The following NPHS2 variants were observed in gnomAD, a reference collection of about 807,000 sequenced individuals.
NPHS2 encodes the protein podocin.
Under a neutral mutation model 37.1 loss-of-function variants are expected in NPHS2, and 36 were observed. That is an observed-to-expected ratio of 0.97 (90% CI 0.74 to 1.28). NPHS2 has a LOEUF of 1.28. NPHS2 is among the 50% of genes most tolerant of loss of function. The pLI is 0.00. For missense variants in NPHS2, 447 were observed against 488.1 expected (o/e 0.92, Z 0.79); for synonymous variants, 196 against 189.3 (o/e 1.04, Z -0.29).
intron 1 of NPHS2, among the ~76,000 whole-genome samples, chr1:179,568,369 A>C (rs890706921): frequency 8.5e-5 from 13 of 152,126 alleles, no homozygotes; most frequent in African/African-American, 2.9e-4. Context: ...CTCTGATGGT[A>C]GTTTGTATTT....
intron 1 of NPHS2, among the ~76,000 whole-genome samples, chr1:179,571,559 C>T (rs1421535480): frequency 6.6e-6 from 1 of 152,254 alleles, no homozygotes; most frequent in Non-Finnish European, 1.5e-5. Flanking sequence ...TGTCCATTCT[C>T]AGAGCTCAAA....
rs1425356976 is a variant in NPHS2 at position 179,552,387 on chromosome 1, G to A, written c.873+216C>T. On this transcript the variant is annotated intron_variant, in intron 7 of 7. Coordinates refer to ENST00000367615, the MANE Select transcript of NPHS2 (RefSeq NM_014625.4). ...GGAAGGTGAGACTCAAGCAGTGAGT[G>A]GTCACTATTATCAGTAGCTTCAGAG... is the stretch of plus-strand genomic sequence containing the variant. 8 of 605,900 alleles carry A rather than the reference G, an allele frequency of 1.3e-5. 1 individual carries two copies. Among genetic ancestry groups the A allele is most frequent in the Non-Finnish European group, 2.4e-5 (8 of 334,022 alleles). The allele number at this position is 605,900 out of a possible 1,614,324, so 37.5% of individuals were successfully genotyped here.
chr1:179,574,988 T>C (rs1674699631), intron 1 of NPHS2, among the ~76,000 whole-genome samples: 1 of 152,218 alleles, frequency 6.6e-6, no homozygotes, highest in Non-Finnish European at 1.5e-5. Flanking sequence ...ATTGTATCCT[T>C]ACCACTACCC....
intron 1 of NPHS2, among the ~76,000 whole-genome samples, chr1:179,566,510 A>C (rs1356460938): frequency 6.6e-5 from 10 of 152,178 alleles, no homozygotes; most frequent in Non-Finnish European, 1.5e-4. Context: ...CCCATTCTGT[A>C]GGTTGCCTGT....
chr1:179,554,777 A>G (rs751356636), intron 5 of NPHS2: 34 of 574,828 alleles, frequency 5.9e-5, no homozygotes, highest in Non-Finnish European at 9.6e-5. Context: ...AAGATATCCC[A>G]TGTCCTAATC....
At chr1:179,571,299 G>C (rs1674541610) in intron 1 of NPHS2, among the ~76,000 whole-genome samples, 1 of 152,184 alleles carries the variant, frequency 6.6e-6, no homozygotes, top group Non-Finnish European at 1.5e-5. Flanking sequence ...CTGTTTGTTA[G>C]TTTTCCATCT....
At chr1:179,564,445 A>G (rs890017756) in intron 2 of NPHS2, among the ~76,000 whole-genome samples, 3 of 152,224 alleles carry the variant, frequency 2.0e-5, no homozygotes, top group African/African-American at 7.2e-5. Context: ...GTGTTAGAAC[A>G]AAGTGAAAGC....
chr1:179,565,180 G>A (rs1026846669), intron 1 of NPHS2, among the ~76,000 whole-genome samples: 4 of 152,144 alleles, frequency 2.6e-5, no homozygotes, highest in African/African-American at 4.8e-5. Context: ...AGGCTGAGGT[G>A]GGAAGAAAGG....
intron 7 of NPHS2, chr1:179,551,813 G>A (rs1251173529): frequency 1.4e-5 from 4 of 281,094 alleles, no homozygotes; most frequent in Non-Finnish European, 2.7e-5. Flanking sequence ...CTCAGGGAAA[G>A]TGAATGGGTA....
chr1:179,565,832 T>C (rs1416709823), intron 1 of NPHS2, among the ~76,000 whole-genome samples: 1 of 152,042 alleles, frequency 6.6e-6, no homozygotes, highest in Non-Finnish European at 1.5e-5. Flanking sequence ...TTTGCTTTTC[T>C]GTCCTTGTGA....
At chr1:179,565,024 A>C (rs1674282452) in intron 1 of NPHS2, among the ~76,000 whole-genome samples, 1 of 151,824 alleles carries the variant, frequency 6.6e-6, no homozygotes, top group South Asian at 2.1e-4. Context: ...TCATCCCAGC[A>C]CTCTGGGAGG....
intron 2 of NPHS2, among the ~76,000 whole-genome samples, chr1:179,563,033 A>T (rs1254089709): frequency 6.6e-6 from 1 of 152,142 alleles, no homozygotes; most frequent in African/African-American, 2.4e-5. Flanking sequence ...TGCTCAGGTC[A>T]CCCTTTGAGA....
At position 179,575,606 on chromosome 1, in the gene NPHS2, C is replaced by G. The variant is rs776016821; in HGVS notation, c.259G>C (p.Glu87Gln). ...GTEVVALLES[E>Q]RPEEGTKSSG... ...GAATCCGTACCTTCCTCGGGCCGCT[C>G]GCTCTCCAACAGCGCCACCACCTCG... The change falls in exon 1 of 8, where the codon GAG becomes CAG. Residue 87 changes from glutamate to glutamine, a missense_variant. Transcript: ENST00000367615. 8.7e-6 allele frequency: 14 copies of G among 1,602,180 alleles called. No individual in the cohort carries two copies. The highest frequency in any genetic ancestry group is 2.2e-5 in the East Asian group (1 of 44,854).
intron 4 of NPHS2, 132 bp downstream of exon 4, chr1:179,559,547 A>G: frequency 1.5e-6 from 1 of 676,630 alleles, no homozygotes; most frequent in Non-Finnish European, 2.7e-6. Flanking sequence ...TTGATGCACA[A>G]AAGTTTTAAG....
chr1:179,567,197 A>C (rs749726761), intron 1 of NPHS2, among the ~76,000 whole-genome samples: 33 of 152,176 alleles, frequency 2.2e-4, no homozygotes, highest in Admixed American at 2.0e-3. Flanking sequence ...CCTATCTATG[A>C]GCATGGAATG....
intron 4 of NPHS2, among the ~76,000 whole-genome samples, chr1:179,557,617 A>G (rs1673987506): frequency 6.6e-6 from 1 of 152,198 alleles, no homozygotes; most frequent in Non-Finnish European, 1.5e-5. Flanking sequence ...TGCTTTGATG[A>G]TATACATCAT....
intron 1 of NPHS2, among the ~76,000 whole-genome samples, chr1:179,571,554 A>G (rs780675201): frequency 1.6e-4 from 24 of 152,198 alleles, no homozygotes; most frequent in Non-Finnish European, 2.9e-4. Context: ...CAGTCTGTCC[A>G]TTCTCAGAGC....
At chr1:179,574,156 G>T (rs919283463) in intron 1 of NPHS2, among the ~76,000 whole-genome samples, 1 of 152,112 alleles carries the variant, frequency 6.6e-6, no homozygotes, top group African/African-American at 2.4e-5. Context: ...TCCTGCTTTT[G>T]TTACTCTGTA....
At chr1:179,552,578 C>T in intron 7 of NPHS2, 25 bp downstream of exon 7, 1 of 1,601,358 alleles carries the variant, frequency 6.2e-7, no homozygotes. Flanking sequence ...AAAGGGCAGT[C>T]TGGGTGGGAG....
Sources: allele counts gnomAD v4.1 joint callset (sites outside exome capture counted in the v4.1 genomes callset), GRCh38; gene constraint gnomAD v4.1.1; transcripts MANE v1.5; gene names NCBI Gene and HGNC (gene_info 2026-07-23, HGNC 2026-07-21).